The following SASH1 variants were observed in gnomAD, a reference collection of about 807,000 sequenced individuals.
SASH1 encodes SAM and SH3 domain containing 1.
Under a neutral mutation model 125.2 loss-of-function variants are expected in SASH1, and 44 were observed. The ratio of observed to expected loss-of-function variants is 0.35; its 90% confidence interval spans 0.28 to 0.45. The LOEUF (loss-of-function observed/expected upper bound fraction) is 0.45. Among genes scored for constraint, SASH1 ranks in the 20% least tolerant of loss-of-function variants. SASH1 has a pLI of 1.00. For missense variants in SASH1, 1,426 were observed against 1,614.5 expected (o/e 0.88, Z 2.00); for synonymous variants, 639 against 649.1 (o/e 0.98, Z 0.24).
chr6:148,267,396 T>TGTGTGG (rs753511162), upstream of SASH1, among the ~76,000 whole-genome samples: 2 of 140,334 alleles, frequency 1.4e-5, no homozygotes, highest in South Asian at 4.6e-4. Context: ...TGTGTGTGTG[T>TGTGTGG]GAGATGGAGT....
chr6:148,426,152 T>C (rs1018671862), intron 2 of SASH1, among the ~76,000 whole-genome samples: 7 of 152,240 alleles, frequency 4.6e-5, no homozygotes, highest in Admixed American at 4.6e-4. Flanking sequence ...GAGGCTGCAG[T>C]GAGCCGAGAT....
chr6:148,410,000 T>C (rs934988128), intron 2 of SASH1, among the ~76,000 whole-genome samples: 1 of 151,810 alleles, frequency 6.6e-6, no homozygotes, highest in Non-Finnish European at 1.5e-5. Context: ...GAACATGCTC[T>C]TATCTTGACA....
chr6:148,537,226 A>G (rs1193783348), intron 16 of SASH1, among the ~76,000 whole-genome samples: 1 of 152,180 alleles, frequency 6.6e-6, no homozygotes, highest in Admixed American at 6.5e-5. Context: ...ACTGAGAGCA[A>G]AAAGTACATT....
chr6:148,392,632 G>A (rs949451883), intron 2 of SASH1, among the ~76,000 whole-genome samples: 6 of 152,182 alleles, frequency 3.9e-5, no homozygotes, highest in African/African-American at 1.4e-4. Flanking sequence ...TGGATCAGGA[G>A]TAACATTATA....
chr6:148,397,424 G>A (rs978389429), intron 2 of SASH1, among the ~76,000 whole-genome samples: 18 of 152,190 alleles, frequency 1.2e-4, no homozygotes, highest in African/African-American at 3.6e-4. Flanking sequence ...GGTGGAGGTT[G>A]CAGTGAGCCG....
At chr6:148,422,811 A>G (rs1275074549) in intron 2 of SASH1, among the ~76,000 whole-genome samples, 2 of 152,202 alleles carry the variant, frequency 1.3e-5, no homozygotes, top group Non-Finnish European at 2.9e-5. Flanking sequence ...GCAAACATTT[A>G]TAATAGACCA....
At chr6:148,358,727 G>GGTTTTTTTTTTTTTTTTTTTTT (rs1239319632) in intron 1 of SASH1, among the ~76,000 whole-genome samples, 1 of 98,786 alleles carries the variant, frequency 1.0e-5, no homozygotes, top group African/African-American at 3.5e-5. Flanking sequence ...CTAATGCCAT[G>GGTTTTTTTTTTTTTTTTTTTTT]TTTTTGTTTT....
chr6:148,422,571 T>A (rs1487262863), intron 2 of SASH1, among the ~76,000 whole-genome samples: 1 of 152,226 alleles, frequency 6.6e-6, no homozygotes, highest in East Asian at 1.9e-4. Flanking sequence ...GTAGTAACCA[T>A]TACAGACACA....
At chr6:148,243,218 A>C in the SASH1 span, among the ~76,000 whole-genome samples, 3 of 152,210 alleles carry the variant, frequency 2.0e-5, no homozygotes, top group Non-Finnish European at 4.4e-5. Context: ...TGGGAGGCCA[A>C]GGCGGACAGA....
At chr6:148,469,144 T>A (rs1777981156) in intron 5 of SASH1, 1 of 152,406 alleles carries the variant, frequency 6.6e-6, no homozygotes, top group Non-Finnish European at 1.5e-5. Flanking sequence ...TGGCTGATAG[T>A]GATTAGGAAC....
At chr6:148,513,807 G>A in intron 8 of SASH1, 1 of 986,168 alleles carries the variant, frequency 1.0e-6, no homozygotes, top group Non-Finnish European at 1.2e-6. Flanking sequence ...CCAATGGGAT[G>A]GAAGAGGCTG....
chr6:148,198,718 T>C, the SASH1 span, among the ~76,000 whole-genome samples: 48 of 152,358 alleles, frequency 3.2e-4, no homozygotes, highest in African/African-American at 1.1e-3. Context: ...ATCATCAACA[T>C]GTTCTGTTTG....
chr6:148,455,299 C>T lies in SASH1; in HGVS notation c.387-13246C>T, dbSNP rs549222056. ...AAGCAGCCAGCTTGGCTTTATTCATCGCCACCCAGATCAGTGTCTTGTCAG... is the reference window on the plus strand; with the variant it reads ...AAGCAGCCAGCTTGGCTTTATTCATTGCCACCCAGATCAGTGTCTTGTCAG... On this transcript the variant is annotated intron_variant, in intron 4 of 19. Coordinates refer to ENST00000367467, the MANE Select transcript of SASH1 (RefSeq NM_015278.5). 4.6e-5 allele frequency among the ~76,000 whole-genome samples: 7 copies of T among 152,294 alleles called. No homozygotes were observed. The East Asian group carries it at 9.7e-4, about 21-fold the overall frequency.
chr6:148,512,325 C>A, intron 8 of SASH1: 1 of 287,316 alleles, frequency 3.5e-6, no homozygotes, highest in Non-Finnish European at 5.2e-6. Flanking sequence ...GAGACATATT[C>A]TAGGTTTGTC....
the SASH1 span, among the ~76,000 whole-genome samples, chr6:148,209,493 T>A: frequency 6.6e-6 from 1 of 152,192 alleles, no homozygotes; most frequent in South Asian, 2.1e-4. Context: ...TATGTGGGGC[T>A]TGGTTAAATC....
intron 1 of SASH1, among the ~76,000 whole-genome samples, chr6:148,294,233 A>C (rs1420084861): frequency 6.6e-6 from 1 of 152,256 alleles, no homozygotes; most frequent in Non-Finnish European, 1.5e-5. Context: ...CCACAAGAGA[A>C]GGCAGACAAG....
the SASH1 span, among the ~76,000 whole-genome samples, chr6:148,266,236 T>G: frequency 6.6e-6 from 1 of 152,224 alleles, no homozygotes; most frequent in Non-Finnish European, 1.5e-5. Context: ...CCCAAAGTGC[T>G]GGGATTACAG....
At chr6:148,539,581 C>A (rs1322462581) in intron 16 of SASH1, among the ~76,000 whole-genome samples, 1 of 152,158 alleles carries the variant, frequency 6.6e-6, no homozygotes, top group Non-Finnish European at 1.5e-5. Context: ...ATAGGTACTG[C>A]ATTTTCTTTA....
intron 1 of SASH1, among the ~76,000 whole-genome samples, chr6:148,383,986 C>T (rs1255444330): frequency 2.0e-5 from 3 of 152,088 alleles, no homozygotes; most frequent in Non-Finnish European, 4.4e-5. Flanking sequence ...GAAGATTATA[C>T]AAGTTTGTTG....
Sources: allele counts gnomAD v4.1 joint callset (sites outside exome capture counted in the v4.1 genomes callset), GRCh38; gene constraint gnomAD v4.1.1; transcripts MANE v1.5; gene names NCBI Gene and HGNC (gene_info 2026-07-23, HGNC 2026-07-21).